Variants in RNGTT observed in about 807,000 individuals in gnomAD.
RNGTT encodes the protein RNA guanylyltransferase and 5'-phosphatase, also known as mRNA-capping enzyme.
Under a neutral mutation model 79.3 loss-of-function variants are expected in RNGTT, and 33 were observed. The ratio of observed to expected loss-of-function variants is 0.42; its 90% confidence interval spans 0.32 to 0.56. RNGTT has a LOEUF of 0.56. Ranked by LOEUF, RNGTT falls within the 20% of genes least tolerant of loss-of-function variation. The pLI, the probability that RNGTT is intolerant of heterozygous loss-of-function variation, is 0.17. For synonymous variants in RNGTT, 222 were observed against 235.9 expected, an observed-to-expected ratio of 0.94 and a Z score of 0.54; for missense variants, 497 against 739.1, an observed-to-expected ratio of 0.67 and a Z score of 3.80.
At chr6:88,905,093 C>T in intron 5 of RNGTT, 138 bp from the exon 6 acceptor site, 1 of 1,043,418 alleles carries the variant, frequency 9.6e-7, no homozygotes, top group African/African-American at 1.6e-5. Flanking sequence ...AATCCTCACC[C>T]TCAAGTCATT....
At chr6:88,826,869 T>TAA (rs1780684521) in intron 11 of RNGTT, among the ~76,000 whole-genome samples, 3 of 146,290 alleles carry the variant, frequency 2.1e-5, no homozygotes, top group Admixed American at 1.4e-4. Context: ...TATATATATA[T>TAA]AATATACTAT....
intron 13 of RNGTT, among the ~76,000 whole-genome samples, chr6:88,700,464 C>A (rs990194059): frequency 9.9e-5 from 15 of 152,074 alleles, no homozygotes; most frequent in Non-Finnish European, 2.2e-4. Context: ...GTCCCACCTG[C>A]GACATTCTTT....
chr6:88,924,893 T>G (rs1784272131), intron 4 of RNGTT, among the ~76,000 whole-genome samples: 1 of 152,116 alleles, frequency 6.6e-6, no homozygotes. Context: ...TTGGCTAATT[T>G]TTTTATTTAC....
chr6:88,646,578 G>C (rs1391695841), intron 14 of RNGTT, among the ~76,000 whole-genome samples: 1 of 152,200 alleles, frequency 6.6e-6, no homozygotes, highest in Non-Finnish European at 1.5e-5. Flanking sequence ...CAGTAGCAAA[G>C]ACTTGGAACC....
intron 14 of RNGTT, among the ~76,000 whole-genome samples, chr6:88,643,474 A>G (rs754229558): frequency 2.0e-5 from 3 of 152,172 alleles, no homozygotes; most frequent in Non-Finnish European, 4.4e-5. Flanking sequence ...ATGTCCAGGA[A>G]TTGAATTCAG....
intron 14 of RNGTT, among the ~76,000 whole-genome samples, chr6:88,618,746 TG>T (rs1772328327): frequency 6.6e-6 from 1 of 152,206 alleles, no homozygotes; most frequent in Non-Finnish European, 1.5e-5. Context: ...ATAAATAATC[TG>T]GGGTTAAGAA....
At chr6:88,949,201 C>T (rs1349059820) in intron 1 of RNGTT, among the ~76,000 whole-genome samples, 1 of 130,742 alleles carries the variant, frequency 7.6e-6, no homozygotes, top group Non-Finnish European at 1.6e-5. Context: ...CTCTTGGAGG[C>T]TGTTACAAGT....
At chr6:88,730,944 C>A (rs1461934270) in intron 13 of RNGTT, among the ~76,000 whole-genome samples, 2 of 152,076 alleles carry the variant, frequency 1.3e-5, no homozygotes, top group African/African-American at 4.8e-5. Flanking sequence ...AACAAAAAAC[C>A]TAAGAAACAC....
intron 1 of RNGTT, among the ~76,000 whole-genome samples, chr6:88,949,158 T>TAAAAAAAAAAAAAAAAAAAAAAAAAA (rs1491197999): frequency 5.6e-5 from 1 of 18,004 alleles, no homozygotes; most frequent in Non-Finnish European, 1.1e-4. Context: ...TAAAATAAAA[T>TAAAAAAAAAAAAAAAAAAAAAAAAAA]GAAAAAAAAA....
intron 1 of RNGTT, among the ~76,000 whole-genome samples, chr6:88,959,281 A>T (rs1247869358): frequency 1.3e-5 from 2 of 152,166 alleles, no homozygotes; most frequent in Non-Finnish European, 2.9e-5. Context: ...GGTGCACCAA[A>T]ATCTCAGAAA....
chr6:88,803,576 C>CAAA lies in RNGTT; in HGVS notation c.1270-1947_1270-1945dup, dbSNP rs146140117. Among the ~76,000 whole-genome samples, 238 of 56,040 alleles carry CAAA rather than the reference C, an allele frequency of 4.2e-3. 5 individuals carry two copies. The highest frequency in any genetic ancestry group is 0.015 in the African/African-American group (203 of 13,540). The allele number at this position is 56,040 out of a possible 152,430, so 36.8% of individuals were successfully genotyped here. A position where few individuals can be genotyped will look rare whatever the true frequency, so the allele number is the denominator to read the frequency against. On this transcript the variant is annotated intron_variant, in intron 11 of 15. Coordinates refer to ENST00000369485, the MANE Select transcript of RNGTT (RefSeq NM_003800.5). Reference sequence around the variant, plus strand: ...TGGGCAACAGAGTGAGACTCCATCTCAAAAAAAAAAAAAAAAAAAAACTAA... The same window carrying CAAA: ...TGGGCAACAGAGTGAGACTCCATCTCAAAAAAAAAAAAAAAAAAAAAAAACTAA...
At position 88,953,625 on chromosome 6, in the gene RNGTT, C is replaced by G. The variant is rs528852662; in HGVS notation, c.64+9721G>C. 7.9e-5 allele frequency among the ~76,000 whole-genome samples: 12 copies of G among 152,190 alleles called. No individual in the cohort carries two copies. The East Asian group carries it at 1.9e-3, about 25-fold the overall frequency. ...CCAAATACAAGAAGTTCAAAGAACA[C>G]CTAGGAAATTCATCACAAAAAGATC... On this transcript the variant is annotated intron_variant, in intron 1 of 15. Coordinates refer to ENST00000369485, the MANE Select transcript of RNGTT (RefSeq NM_003800.5).
intron 13 of RNGTT, among the ~76,000 whole-genome samples, chr6:88,765,474 T>G (rs1207540152): frequency 1.3e-5 from 2 of 152,194 alleles, no homozygotes; most frequent in African/African-American, 4.8e-5. Flanking sequence ...CAAAACCTGA[T>G]AAAGTAGTAT....
At chr6:88,904,008 A>T (rs1167906208) in intron 6 of RNGTT, among the ~76,000 whole-genome samples, 2 of 152,168 alleles carry the variant, frequency 1.3e-5, no homozygotes, top group Non-Finnish European at 2.9e-5. Context: ...TTTTATGGAA[A>T]CCATGAAAGC....
chr6:88,778,122 G>A (rs1173151796), intron 12 of RNGTT, among the ~76,000 whole-genome samples: 1 of 152,112 alleles, frequency 6.6e-6, no homozygotes, highest in East Asian at 1.9e-4. Flanking sequence ...TACCAACCTT[G>A]TAACCCAGGG....
At chr6:88,791,674 G>A (rs1471135014) in intron 12 of RNGTT, among the ~76,000 whole-genome samples, 1 of 151,898 alleles carries the variant, frequency 6.6e-6, no homozygotes, top group Non-Finnish European at 1.5e-5. Context: ...TGAGTAGCTG[G>A]GACCACAGGC....
chr6:88,918,844 G>A (rs150054976), intron 4 of RNGTT, among the ~76,000 whole-genome samples: 191 of 152,116 alleles, frequency 1.3e-3, no homozygotes, highest in Admixed American at 2.8e-3. Flanking sequence ...TTCAACTTTC[G>A]ATGTTTCTCA....
intron 14 of RNGTT, among the ~76,000 whole-genome samples, chr6:88,626,018 C>A (rs1772618549): frequency 6.6e-6 from 1 of 151,868 alleles, no homozygotes; most frequent in South Asian, 2.1e-4. Context: ...AAGGGTTCTG[C>A]ATTATTTATT....
intron 13 of RNGTT, among the ~76,000 whole-genome samples, chr6:88,742,804 T>C (rs1424865430): frequency 6.6e-6 from 1 of 152,204 alleles, no homozygotes; most frequent in African/African-American, 2.4e-5. Context: ...TGCTTATGAG[T>C]AGCAATTAGA....
Sources: gnomAD v4.1 joint callset for allele counts (sites outside exome capture counted in the v4.1 genomes callset) on GRCh38, gnomAD v4.1.1 for gene constraint, MANE v1.5 for transcripts, NCBI Gene and HGNC (gene_info 2026-07-23, HGNC 2026-07-21) for gene names.